The following HHIPL1 variants were observed in gnomAD, a reference collection of about 807,000 sequenced individuals.
HHIPL1 encodes the protein HHIP-like protein 1.
In HHIPL1, 43 loss-of-function variants were observed where a neutral mutation model predicts 61.8. The ratio of observed to expected loss-of-function variants is 0.70; its 90% CI spans 0.55 to 0.90. The LOEUF is 0.90. Ranked by LOEUF, HHIPL1 falls within the 40% of genes least tolerant of loss-of-function variation. The pLI is 0.00. For synonymous variants in HHIPL1, 482 were observed against 515.8 expected (o/e 0.93, Z 0.89); for missense variants, 1,056 against 1,157.7 (o/e 0.91, Z 1.28).
intron 1 of HHIPL1, among the ~76,000 whole-genome samples, chr14:99,650,271 A>G (rs2055905155): frequency 6.6e-6 from 1 of 152,134 alleles, no homozygotes; most frequent in Non-Finnish European, 1.5e-5. Context: ...GCTGGAACCC[A>G]GCCTGGTCCT....
At chr14:99,674,991 T>A in intron 8 of HHIPL1, 100 bp from the exon 9 acceptor site, 1 of 573,410 alleles carries the variant, frequency 1.7e-6, no homozygotes, top group Non-Finnish European at 2.3e-6. Flanking sequence ...CTTCCCCGAG[T>A]CTGCGCTCTC....
the HHIPL1 span, among the ~76,000 whole-genome samples, chr14:99,637,809 C>T: frequency 6.6e-6 from 1 of 152,084 alleles, no homozygotes; most frequent in Non-Finnish European, 1.5e-5. Flanking sequence ...GGCACTCTTC[C>T]AATGGCCTCA....
In HHIPL1 at chr14:99,680,266, C is replaced by T. The variant is rs2056427440; in HGVS notation, c.*4640C>T. The T allele has an allele frequency of 6.6e-6, 1 of 152,116 alleles. No individual in the cohort carries two copies. The highest frequency in any genetic ancestry group is 2.4e-5 in the African/African-American group (1 of 41,406). The allele number at this position is 152,116 out of a possible 1,614,324, so 9.4% of individuals were successfully genotyped here. A position where few individuals can be genotyped will look rare whatever the true frequency, so the allele number is the denominator to read the frequency against. On this transcript the variant is annotated 3_prime_UTR_variant, in exon 9 of 9. Coordinates refer to ENST00000330710, the MANE Select transcript of HHIPL1 (RefSeq NM_001127258.3). ...TTATGCCTGCATCTCCCCAACAATTCCTGCTGGGAAACCACTCCTCGTATG... is the reference window on the plus strand; with the variant it reads ...TTATGCCTGCATCTCCCCAACAATTTCTGCTGGGAAACCACTCCTCGTATG...
At position 99,660,207 on chromosome 14, in the gene HHIPL1, C is replaced by T; in HGVS notation, c.1376-73C>T. Reference sequence around the variant, plus strand: ...TGGCCGCCCCACCCCCGCGGAATCCCTCCGGAATTCTCCTGGCTGATGAAC... The same window carrying T: ...TGGCCGCCCCACCCCCGCGGAATCCTTCCGGAATTCTCCTGGCTGATGAAC... On this transcript the variant is annotated intron_variant, in intron 4 of 8. Transcript: ENST00000330710. This position sits in a 1 kb window ranked among gnomAD's most constrained non-coding sequence, Gnocchi z 4.9. The T allele has an allele frequency of 5.7e-6, 9 of 1,591,748 alleles. No homozygotes were observed. Among genetic ancestry groups the T allele is most frequent in the Non-Finnish European group, 7.7e-6 (9 of 1,168,850 alleles).
chr14:99,609,052 A>G, the HHIPL1 span, among the ~76,000 whole-genome samples: 3 of 152,180 alleles, frequency 2.0e-5, no homozygotes, highest in Admixed American at 1.3e-4. Flanking sequence ...GCCTGGACCC[A>G]TGTTCACCAC....
the HHIPL1 span, among the ~76,000 whole-genome samples, chr14:99,610,704 T>G: frequency 5.3e-5 from 8 of 152,158 alleles, no homozygotes; most frequent in South Asian, 1.2e-3. Flanking sequence ...GAGGTTGCAG[T>G]GAGCAGAGAT....
At chr14:99,642,676 T>C (rs1358660725), upstream of HHIPL1, among the ~76,000 whole-genome samples, 1 of 151,644 alleles carries the variant, frequency 6.6e-6, no homozygotes, top group African/African-American at 2.4e-5. Context: ...TAGGCGCCCA[T>C]CACCATGCCC....
At chr14:99,621,644 G>A in the HHIPL1 span, among the ~76,000 whole-genome samples, 1 of 151,744 alleles carries the variant, frequency 6.6e-6, no homozygotes, top group Non-Finnish European at 1.5e-5. Context: ...ACTTCCTGTG[G>A]GCAGGCCCAG....
chr14:99,645,657 G>A (rs2055820503), intron 1 of HHIPL1, among the ~76,000 whole-genome samples, 195 bp downstream of exon 1: 1 of 152,252 alleles, frequency 6.6e-6, no homozygotes, highest in Non-Finnish European at 1.5e-5. Flanking sequence ...CCATTCATTA[G>A]TTTTGTGACT....
chr14:99,675,367 G>A lies in HHIPL1; in HGVS notation c.2090G>A (p.Gly697Asp), dbSNP rs1294622370. Residue 697 changes from glycine to aspartate, a missense_variant, in exon 9 of 9, where the codon GGC becomes GAC. Transcript: ENST00000330710. This position sits in a 1 kb window ranked among gnomAD's most constrained non-coding sequence, Gnocchi z 5.4. ...RVEVFVGGRW[G>D]TVCDDSWNIS... The stretch of plus-strand genomic sequence containing the variant: ...GAGGTGTTCGTGGGCGGACGCTGGG[G>A]CACCGTGTGCGACGACTCCTGGAAC... 2.7e-6 allele frequency: 4 copies of A among 1,507,080 alleles called. No homozygotes were observed. The highest frequency in any genetic ancestry group is 3.5e-6 in the Non-Finnish European group (4 of 1,129,986). The allele number at this position is 1,507,080 out of a possible 1,614,324, so 93.4% of individuals were successfully genotyped here.
intron 1 of HHIPL1, among the ~76,000 whole-genome samples, chr14:99,651,302 A>G (rs10145905): frequency 0.36 from 54,118 of 149,640 alleles, 10,348 homozygotes; most frequent in South Asian, 0.46. Context: ...AAAACTGGGT[A>G]ATTTATAAAG....
intron 3 of HHIPL1, 67 bp from the exon 4 acceptor site, chr14:99,659,361 C>A: frequency 7.8e-7 from 1 of 1,278,268 alleles, no homozygotes; most frequent in South Asian, 1.8e-5. Flanking sequence ...CAGCACCTGC[C>A]CCGCGGAGCC....
chr14:99,652,319 C>T lies in HHIPL1; in HGVS notation c.351C>T (p.Asp117=). The T allele has an allele frequency of 6.2e-7, 1 of 1,614,160 alleles. No homozygotes were observed. Residue 117 remains aspartate, a synonymous_variant, in exon 2 of 9, where the codon GAC becomes GAT. Coordinates refer to ENST00000330710, the MANE Select transcript of HHIPL1 (RefSeq NM_001127258.3). ...VPGLCQDYCL[D]MWHKCRGLFR... ...GGCTCTGCCAGGATTACTGCCTGGA[C>T]ATGTGGCATAAGTGCCGGGGGCTGT... is the stretch of plus-strand genomic sequence containing the variant.
In HHIPL1 at chr14:99,645,197, G is replaced by A. The variant is rs2055808146; in HGVS notation, c.-11G>A. ...GCCGTCCCTCCGCCTCTTCCCCCGC[G>A]GGGCGTAGCGATGGCCCGGGCCAGG... On this transcript the variant is annotated 5_prime_UTR_variant, in exon 1 of 9. Transcript: ENST00000330710. The A allele has an allele frequency of 1.6e-6, 2 of 1,276,774 alleles. No homozygotes were observed. Among genetic ancestry groups the A allele is most frequent in the Non-Finnish European group, 9.9e-7 (1 of 1,012,268 alleles). The allele number at this position is 1,276,774 out of a possible 1,614,324, so 79.1% of individuals were successfully genotyped here. A position where few individuals can be genotyped will look rare whatever the true frequency, so the allele number is the denominator to read the frequency against.
chr14:99,662,683 G>A (rs911667540), intron 5 of HHIPL1, among the ~76,000 whole-genome samples, 193 bp from the exon 6 acceptor site: 4 of 152,170 alleles, frequency 2.6e-5, no homozygotes, highest in African/African-American at 9.7e-5. Context: ...ATTCTGCATC[G>A]GGCTCTGCGA....
At chr14:99,626,089 C>T in the HHIPL1 span, among the ~76,000 whole-genome samples, 10 of 151,962 alleles carry the variant, frequency 6.6e-5, no homozygotes, top group East Asian at 1.9e-4. Flanking sequence ...GAGGAGTCAC[C>T]GAGAGATGAC....
intron 3 of HHIPL1, among the ~76,000 whole-genome samples, chr14:99,658,460 C>T (rs1313511684): frequency 3.3e-5 from 5 of 152,090 alleles, no homozygotes; most frequent in Admixed American, 2.0e-4. Context: ...AAAGAGGATA[C>T]TTGTTTGCTG....
At chr14:99,646,889 A>G (rs1428260374) in intron 1 of HHIPL1, among the ~76,000 whole-genome samples, 1 of 150,764 alleles carries the variant, frequency 6.6e-6, no homozygotes, top group African/African-American at 2.4e-5. Flanking sequence ...AAAATAAATA[A>G]AATAAAACCT....
chr14:99,669,542 A>G (rs1291368711), intron 7 of HHIPL1, among the ~76,000 whole-genome samples: 4 of 152,308 alleles, frequency 2.6e-5, no homozygotes, highest in African/African-American at 2.4e-5. Flanking sequence ...GAGGAGTTCA[A>G]GTCCAGCCCG....
Sources: gnomAD v4.1 joint callset for allele counts (sites outside exome capture counted in the v4.1 genomes callset) on GRCh38, gnomAD v4.1.1 for gene constraint, Gnocchi (gnomAD v3.1) non-coding constraint, MANE v1.5 for transcripts, NCBI Gene and HGNC (gene_info 2026-07-23, HGNC 2026-07-21) for gene names.